SPAG16: variants seen among roughly 807,000 people sequenced by gnomAD.
SPAG16 encodes sperm associated antigen 16.
Under a neutral mutation model 80.4 loss-of-function variants are expected in SPAG16, and 86 were observed. The observed-to-expected ratio is 1.07, with a 90% CI of 0.90 to 1.28. The LOEUF (loss-of-function observed/expected upper bound fraction) is 1.28. SPAG16 is among the 50% of genes most tolerant of loss of function. The pLI is 0.00. For missense variants in SPAG16, 870 were observed against 765.3 expected, an observed-to-expected ratio of 1.14 and a Z score of -1.61; for synonymous variants, 294 against 265.9, an observed-to-expected ratio of 1.11 and a Z score of -1.03.
At chr2:214,376,826 C>T (rs1343859525) in intron 15 of SPAG16, among the ~76,000 whole-genome samples, 1 of 152,158 alleles carries the variant, frequency 6.6e-6, no homozygotes, top group Non-Finnish European at 1.5e-5. Flanking sequence ...GAGTAAATCA[C>T]ATGACTGAAT....
chr2:214,211,875 A>G (rs2058303683), intron 15 of SPAG16, among the ~76,000 whole-genome samples: 1 of 152,036 alleles, frequency 6.6e-6, no homozygotes, highest in Admixed American at 6.6e-5. Flanking sequence ...CATTCCACCC[A>G]TCAGCAAGTC....
intron 10 of SPAG16, among the ~76,000 whole-genome samples, chr2:213,548,276 G>A (rs983648924): frequency 6.0e-4 from 92 of 152,170 alleles, no homozygotes; most frequent in African/African-American, 2.2e-3. Context: ...GCAGTGGCGC[G>A]ATCTTGGCGC....
intron 10 of SPAG16, among the ~76,000 whole-genome samples, chr2:213,631,175 A>C (rs1273157251): frequency 1.3e-5 from 2 of 152,176 alleles, no homozygotes; most frequent in Non-Finnish European, 2.9e-5. Context: ...GGTGTCAAAA[A>C]GTACAAAAAA....
At chr2:213,482,989 A>G (rs1006037646) in intron 9 of SPAG16, among the ~76,000 whole-genome samples, 1 of 152,182 alleles carries the variant, frequency 6.6e-6, no homozygotes, top group African/African-American at 2.4e-5. Context: ...AATATTATAA[A>G]GTAAAAAGCA....
At chr2:213,527,378 C>T (rs2075924611) in intron 10 of SPAG16, among the ~76,000 whole-genome samples, 2 of 152,178 alleles carry the variant, frequency 1.3e-5, no homozygotes, top group Admixed American at 1.3e-4. Context: ...AAATGTTGTT[C>T]TCTCTCTGCT....
At chr2:214,045,297 G>T (rs1033315657) in intron 13 of SPAG16, among the ~76,000 whole-genome samples, 5 of 152,188 alleles carry the variant, frequency 3.3e-5, no homozygotes, top group Non-Finnish European at 7.3e-5. Flanking sequence ...GGGCCAGAAG[G>T]GAACCTGTTG....
At chr2:213,758,083 G>A (rs1044532345) in intron 10 of SPAG16, 9 of 150,942 alleles carry the variant, frequency 6.0e-5, no homozygotes, top group Middle Eastern at 3.0e-3. Context: ...TAAACTTAAG[G>A]ACTGTCTTTT....
intron 15 of SPAG16, among the ~76,000 whole-genome samples, chr2:214,386,805 A>G (rs540834403): frequency 7.3e-5 from 11 of 150,664 alleles, no homozygotes; most frequent in African/African-American, 2.4e-4. Context: ...CCGAGGCTGC[A>G]GTGAGCCAAG....
chr2:213,513,104 C>T (rs142166269), intron 10 of SPAG16, among the ~76,000 whole-genome samples: 1 of 152,194 alleles, frequency 6.6e-6, no homozygotes, highest in Non-Finnish European at 1.5e-5. Flanking sequence ...CTCTTTTCCA[C>T]TGTCACGTGT....
At chr2:213,357,220 A>G (rs371629923) in intron 7 of SPAG16, among the ~76,000 whole-genome samples, 91 of 152,274 alleles carry the variant, frequency 6.0e-4, no homozygotes, top group African/African-American at 2.1e-3. Flanking sequence ...TGCCAAGCAG[A>G]ATGTATATTC....
chr2:213,614,810 T>C (rs2061542414), intron 10 of SPAG16, among the ~76,000 whole-genome samples: 1 of 152,250 alleles, frequency 6.6e-6, no homozygotes, highest in African/African-American at 2.4e-5. Flanking sequence ...ACATAATTTA[T>C]GCTTTTAGCA....
intron 14 of SPAG16, among the ~76,000 whole-genome samples, chr2:214,111,413 T>C (rs900582047): frequency 6.6e-6 from 1 of 152,220 alleles, no homozygotes; most frequent in Non-Finnish European, 1.5e-5. Flanking sequence ...CTTGTTTTTG[T>C]CAGATTTGTC....
At chr2:213,859,219 C>T (rs1364294946) in intron 10 of SPAG16, among the ~76,000 whole-genome samples, 1 of 38,790 alleles carries the variant, frequency 2.6e-5, no homozygotes, top group Non-Finnish European at 6.1e-5. Flanking sequence ...AAAAAAAACT[C>T]AATGTCCTCT....
At chr2:213,930,660 A>C (rs1018272644) in intron 12 of SPAG16, among the ~76,000 whole-genome samples, 1 of 152,220 alleles carries the variant, frequency 6.6e-6, no homozygotes, top group Non-Finnish European at 1.5e-5. Flanking sequence ...AATCCTATAC[A>C]TATCATGTGG....
intron 9 of SPAG16, among the ~76,000 whole-genome samples, chr2:213,456,101 G>A (rs1022779743): frequency 6.6e-6 from 1 of 152,170 alleles, no homozygotes; most frequent in Non-Finnish European, 1.5e-5. Context: ...CAGACTTGGC[G>A]TGTGGTTACA....
intron 7 of SPAG16, among the ~76,000 whole-genome samples, chr2:213,357,209 G>T (rs889635703): frequency 2.0e-5 from 3 of 152,124 alleles, no homozygotes; most frequent in African/African-American, 7.2e-5. Context: ...GCGCGATATG[G>T]TGCCAAGCAG....
intron 10 of SPAG16, among the ~76,000 whole-genome samples, chr2:213,636,588 A>G (rs1257416126): frequency 6.6e-6 from 1 of 152,244 alleles, no homozygotes; most frequent in Non-Finnish European, 1.5e-5. Flanking sequence ...GTCCATGAGC[A>G]TGGGATGTGT....
At chr2:214,404,354 T>G (rs917557465) in intron 15 of SPAG16, among the ~76,000 whole-genome samples, 1 of 152,178 alleles carries the variant, frequency 6.6e-6, no homozygotes, top group African/African-American at 2.4e-5. Flanking sequence ...GCTGTTTTAT[T>G]TGTAACATAA....
chr2:214,281,860 G>A (rs1249664075), intron 15 of SPAG16, among the ~76,000 whole-genome samples: 2 of 152,104 alleles, frequency 1.3e-5, no homozygotes, highest in African/African-American at 2.4e-5. Context: ...ACACAGTGTG[G>A]ATGAATCTAG....
Sources: gnomAD v4.1 joint callset for allele counts (sites outside exome capture counted in the v4.1 genomes callset) on GRCh38, gnomAD v4.1.1 for gene constraint, MANE v1.5 for transcripts, NCBI Gene and HGNC (gene_info 2026-07-23, HGNC 2026-07-21) for gene names.